DHRSX: variants seen among roughly 807,000 people sequenced by gnomAD.
DHRSX encodes polyprenol dehydrogenase.
A neutral mutation model predicts 34.0 loss-of-function variants in DHRSX; 31 were observed. That is an observed-to-expected ratio of 0.91 (90% CI 0.69 to 1.23). DHRSX has a LOEUF of 1.23. DHRSX is among the 50% of genes most tolerant of loss of function. DHRSX has a pLI of 0.00. For missense variants in DHRSX, 414 were observed against 428.1 expected (o/e 0.97, Z 0.29); for synonymous variants, 201 against 183.8 (o/e 1.09, Z -0.76).
intron 5 of DHRSX, among the ~76,000 whole-genome samples, chrX:2,246,748 G>GAAAA (rs1556432542): frequency 9.6e-6 from 1 of 103,778 alleles, no homozygotes; most frequent in African/African-American, 3.1e-5. Flanking sequence ...AAGAAAGAAA[G>GAAAA]AAAAAGAAAG....
In DHRSX at chrX:2,408,756, A is replaced by C. The variant is rs770716489; in HGVS notation, c.275T>G (p.Leu92Trp). 1 of 1,612,632 alleles carries C rather than the reference A, an allele frequency of 6.2e-7. No individual in the cohort carries two copies. The highest frequency in any genetic ancestry group is 1.3e-5 in the African/African-American group (1 of 74,894). The change falls in exon 3 of 7, where the codon TTG (leucine) becomes TGG (tryptophan). Residue 92 changes from leucine to tryptophan, a missense_variant. By Grantham distance (61) the Leu-to-Trp change is moderately conservative. Transcript: ENST00000334651. ...GTATCTCTCGGTACCTTTGTCGTTC[A>C]AGGTTTCTTCTTTTATTTTGCTTAC... ...QVVSKIKEET[L>W]NDKVEFLYCD...
At chrX:2,424,591 T>C (rs905610492) in intron 2 of DHRSX, among the ~76,000 whole-genome samples, 1 of 152,220 alleles carries the variant, frequency 6.6e-6, no homozygotes, top group African/African-American at 2.4e-5. Flanking sequence ...TGAGATACTT[T>C]GTTATAACAG....
At chrX:2,236,134 A>C (rs2016010074) in intron 6 of DHRSX, among the ~76,000 whole-genome samples, 1 of 151,942 alleles carries the variant, frequency 6.6e-6, no homozygotes, top group African/African-American at 2.4e-5. Context: ...TAAATAAATA[A>C]AATAAATAAA....
intron 3 of DHRSX, among the ~76,000 whole-genome samples, chrX:2,320,064 G>A (rs148066682): frequency 0.011 from 1,715 of 151,916 alleles, 34 homozygotes; most frequent in African/African-American, 0.038. Flanking sequence ...CCCGACCTCA[G>A]GTGATCCACC....
chrX:2,250,347 A>T (rs2016408891), intron 5 of DHRSX, among the ~76,000 whole-genome samples: 1 of 152,052 alleles, frequency 6.6e-6, no homozygotes, highest in Non-Finnish European at 1.5e-5. Context: ...TCCATAGAGT[A>T]AAGTGAAAGC....
At chrX:2,327,156 G>A (rs886863235) in intron 3 of DHRSX, among the ~76,000 whole-genome samples, 44 of 152,212 alleles carry the variant, frequency 2.9e-4, no homozygotes, top group Non-Finnish European at 6.0e-4. Flanking sequence ...TTTCGTGCAT[G>A]AGTGACGCTG....
chrX:2,463,558 C>G (rs894909757), intron 1 of DHRSX, among the ~76,000 whole-genome samples: 1 of 152,132 alleles, frequency 6.6e-6, no homozygotes, highest in Non-Finnish European at 1.5e-5. Flanking sequence ...GGGTGGGGAG[C>G]TGCAATTCCA....
chrX:2,262,813 G>T (rs141822357), intron 5 of DHRSX, among the ~76,000 whole-genome samples: 1 of 128,064 alleles, frequency 7.8e-6, no homozygotes, highest in Non-Finnish European at 1.6e-5. Flanking sequence ...CATCGAGGCC[G>T]ACTCCCTCAT....
intron 6 of DHRSX, among the ~76,000 whole-genome samples, chrX:2,242,337 C>T (rs1372552583): frequency 2.1e-5 from 3 of 144,518 alleles, no homozygotes; most frequent in Non-Finnish European, 4.6e-5. Context: ...CCACCGAGCT[C>T]GCACACAACC....
In DHRSX at chrX:2,268,590, CA is replaced by C. The variant is rs1323954817; in HGVS notation, c.389-1644del. 3.3e-5 allele frequency among the ~76,000 whole-genome samples: 5 copies of C among 152,316 alleles called. No homozygotes were observed. The East Asian group carries it at 9.6e-4, about 29-fold the overall frequency. On this transcript the variant is annotated intron_variant, in intron 4 of 6. Coordinates refer to ENST00000334651, the MANE Select transcript of DHRSX (RefSeq NM_145177.3). ...ACGTCTTTACATGCAGATTCATTTT[CA>C]AATGCCTATAAATTTGTGCATATTT...
At chrX:2,256,121 A>G (rs2041274441) in intron 5 of DHRSX, among the ~76,000 whole-genome samples, 1 of 147,686 alleles carries the variant, frequency 6.8e-6, no homozygotes, top group South Asian at 2.1e-4. Flanking sequence ...CAGCCTCCCC[A>G]GTAGCTGGGA....
intron 3 of DHRSX, among the ~76,000 whole-genome samples, chrX:2,337,149 T>C (rs2042579296): frequency 6.6e-6 from 1 of 152,112 alleles, no homozygotes; most frequent in Admixed American, 6.6e-5. Context: ...ACAAAGCTAT[T>C]TCCCGTAATG....
At chrX:2,314,026 C>G (rs2042195536) in intron 3 of DHRSX, among the ~76,000 whole-genome samples, 2 of 151,628 alleles carry the variant, frequency 1.3e-5, no homozygotes, top group Non-Finnish European at 2.9e-5. Flanking sequence ...ATTGTGGGAA[C>G]CAAGTTTTAT....
chrX:2,308,189 C>G (rs1255809793), intron 3 of DHRSX, among the ~76,000 whole-genome samples: 2 of 152,024 alleles, frequency 1.3e-5, no homozygotes, highest in East Asian at 3.8e-4. Flanking sequence ...TACCAGTTAT[C>G]CATGTGGCAA....
At chrX:2,379,475 C>T (rs1290727949) in intron 3 of DHRSX, among the ~76,000 whole-genome samples, 1 of 151,338 alleles carries the variant, frequency 6.6e-6, no homozygotes, top group Admixed American at 6.6e-5. Flanking sequence ...ACTTGACAAT[C>T]ATTTTAAACA....
intron 3 of DHRSX, among the ~76,000 whole-genome samples, chrX:2,398,921 C>T (rs1354439289): frequency 1.3e-5 from 2 of 152,056 alleles, no homozygotes; most frequent in Non-Finnish European, 2.9e-5. Flanking sequence ...GGCGCGATCT[C>T]GGCTCACTGC....
intron 3 of DHRSX, among the ~76,000 whole-genome samples, chrX:2,378,323 G>T (rs1409174889): frequency 2.0e-5 from 3 of 152,150 alleles, no homozygotes; most frequent in Non-Finnish European, 4.4e-5. Context: ...GCAGCTCCAG[G>T]AAACTAAAAT....
chrX:2,397,930 GCA>G (rs111697078), intron 3 of DHRSX, among the ~76,000 whole-genome samples: 20 of 138,510 alleles, frequency 1.4e-4, no homozygotes, highest in African/African-American at 2.0e-4. Context: ...CTCAGAGCGC[GCA>G]CACACACACA....
intron 5 of DHRSX, among the ~76,000 whole-genome samples, chrX:2,262,035 TC>T (rs2041370201): frequency 6.6e-6 from 1 of 152,046 alleles, no homozygotes; most frequent in Non-Finnish European, 1.5e-5. Context: ...TCCTCCCTTC[TC>T]CCAGGCCCTC....
Sources: gnomAD v4.1 joint callset for allele counts (sites outside exome capture counted in the v4.1 genomes callset) on GRCh38, gnomAD v4.1.1 for gene constraint, MANE v1.5 for transcripts, NCBI Gene and HGNC (gene_info 2026-07-23, HGNC 2026-07-21) for gene names.